Variants in MFSD2B observed in about 807,000 individuals in gnomAD.
MFSD2B encodes the protein sphingosine-1-phosphate transporter MFSD2B.
A neutral mutation model predicts 58.4 loss-of-function variants in MFSD2B; 56 were observed. That is an observed-to-expected ratio of 0.96 (90% CI 0.77 to 1.20). MFSD2B has a LOEUF of 1.20. MFSD2B is among the 50% of genes most tolerant of loss of function. The probability of loss-of-function intolerance (pLI) is 0.00; values close to 1 mark genes in which losing one functional copy is unlikely to be tolerated. For synonymous variants in MFSD2B, 287 were observed against 294.4 expected (o/e 0.97, Z 0.26); for missense variants, 645 against 667.6 (o/e 0.97, Z 0.37).
Position 24,023,008 on chromosome 2 carries a change from C to A in MFSD2B, c.1059+106C>A, listed in dbSNP as rs1253019977. ...GGGCCAGCAGGGGTGGATCTGTGTT[C>A]CCTTGAGTCTTTAGGGCCTAGCACA... On this transcript the variant is annotated intron_variant, in intron 10 of 13. Coordinates refer to ENST00000338315, the MANE Select transcript of MFSD2B (RefSeq NM_001346880.2). This position sits in a 1 kb window ranked among gnomAD's most constrained non-coding sequence, Gnocchi z 5.0. The A allele has an allele frequency of 7.4e-7, 1 of 1,357,790 alleles. No homozygotes were observed. Among genetic ancestry groups the A allele is most frequent in the Non-Finnish European group, 1.0e-6 (1 of 960,328 alleles). 84.1% of individuals were successfully genotyped at this position (1,357,790 alleles called of 1,614,324 possible). A position where few individuals can be genotyped will look rare whatever the true frequency, so the allele number is the denominator to read the frequency against.
At chr2:24,016,091 G>A (rs1345527436) in intron 2 of MFSD2B, 65 bp from the exon 3 acceptor site, 5 of 1,602,532 alleles carry the variant, frequency 3.1e-6, no homozygotes, top group Non-Finnish European at 4.3e-6. Context: ...ATGGCAAGCA[G>A]GCCTGGATGG....
At chr2:24,010,969 G>A (rs916936413) in intron 1 of MFSD2B, among the ~76,000 whole-genome samples, 4 of 152,176 alleles carry the variant, frequency 2.6e-5, no homozygotes, top group Admixed American at 1.3e-4. Context: ...CACTTCCCAG[G>A]GAAACTTAGA....
At position 24,024,091 on chromosome 2, in the gene MFSD2B, C is replaced by T. The variant is rs1372729310; in HGVS notation, c.1314-4C>T. On this transcript the variant is annotated splice_region_variant and splice_polypyrimidine_tract_variant and intron_variant, in intron 12 of 13. Coordinates refer to ENST00000338315, the MANE Select transcript of MFSD2B (RefSeq NM_001346880.2). The surrounding 1 kb of genome is among the most constrained non-coding windows in gnomAD (Gnocchi z 4.3). Reference sequence around the variant, plus strand: ...GCCCTAATGGCTGGCTGATGTTTCTCCAGGTTCTCGGGGTATAAGGCAGGG... The same window carrying T: ...GCCCTAATGGCTGGCTGATGTTTCTTCAGGTTCTCGGGGTATAAGGCAGGG... The T allele has an allele frequency of 2.5e-6, 4 of 1,613,252 alleles. No homozygotes were observed. In the South Asian group the frequency reaches 4.4e-5, roughly 18 times the overall value.
Position 24,017,876 on chromosome 2 carries a change from G to C in MFSD2B, c.681+288G>C, listed in dbSNP as rs1185129698. Among the ~76,000 whole-genome samples the C allele has an allele frequency of 6.6e-6, 1 of 152,178 alleles. No individual in the cohort carries two copies. The highest frequency in any genetic ancestry group is 2.4e-5 in the African/African-American group (1 of 41,448). ...AGCCCCAGAGGAGGGGCGAGGGTGG[G>C]GAAAGCCGCAGGACAGGCTAGGGGA... On this transcript the variant is annotated intron_variant, in intron 6 of 13. Transcript: ENST00000338315. The surrounding 1 kb of genome is among the most constrained non-coding windows in gnomAD (Gnocchi z 4.8).
At chr2:24,014,635 T>C (rs1709075885) in intron 2 of MFSD2B, among the ~76,000 whole-genome samples, 1 of 152,196 alleles carries the variant, frequency 6.6e-6, no homozygotes, top group Non-Finnish European at 1.5e-5. Flanking sequence ...TATAAAATGA[T>C]CCCATTTTAA....
At chr2:24,013,143 A>C (rs1709014424) in intron 1 of MFSD2B, 142 bp from the exon 2 acceptor site, 1 of 727,974 alleles carries the variant, frequency 1.4e-6, no homozygotes, top group Non-Finnish European at 2.0e-6. Flanking sequence ...TTAGGATGAC[A>C]TGGGGGCAAA....
chr2:24,017,259 C>G lies in MFSD2B; in HGVS notation c.472-27C>G, dbSNP rs745768486. ...CGCTGTCACCAGGCAAAGCTGGGGG[C>G]GGTTCTAAGCTCTGCCGACGCCCCA... On this transcript the variant is annotated intron_variant, in intron 4 of 13. Coordinates refer to ENST00000338315, the MANE Select transcript of MFSD2B (RefSeq NM_001346880.2). This position sits in a 1 kb window ranked among gnomAD's most constrained non-coding sequence, Gnocchi z 4.8. 6.4e-7 allele frequency: 1 copy of G among 1,567,436 alleles called. No individual in the cohort carries two copies. The highest frequency in any genetic ancestry group is 8.6e-7 in the Non-Finnish European group (1 of 1,156,782).
Position 24,021,660 on chromosome 2 carries a change from T to A in MFSD2B, c.694T>A (p.Cys232Ser). 1.9e-6 allele frequency: 3 copies of A among 1,613,090 alleles called. No homozygotes were observed. Reference sequence around the variant, plus strand: ...TCCTGTCCCACAGGCCCATCTCTACTGCATTGCGGCTGCCGTGGTTGTAGT... The same window carrying A: ...TCCTGTCCCACAGGCCCATCTCTACAGCATTGCGGCTGCCGTGGTTGTAGT... ...TVSPNAAHLY[C>S]IAAAVVVVTY... Residue 232 changes from cysteine to serine, a missense_variant, in exon 7 of 14, where the codon TGC becomes AGC. Coordinates refer to ENST00000338315, the MANE Select transcript of MFSD2B (RefSeq NM_001346880.2). The surrounding 1 kb of genome is among the most constrained non-coding windows in gnomAD (Gnocchi z 5.7).
rs1709212760 is a variant in MFSD2B at position 24,017,749 on chromosome 2, C to T, written c.681+161C>T. ...CCTGCTCCTCCAGTTGAGCAGATGG[C>T]CCCCAAATCTAACGTCCTCTGCTAA... On this transcript the variant is annotated intron_variant, in intron 6 of 13. Coordinates refer to ENST00000338315, the MANE Select transcript of MFSD2B (RefSeq NM_001346880.2). This position sits in a 1 kb window ranked among gnomAD's most constrained non-coding sequence, Gnocchi z 4.8. 1.3e-5 allele frequency among the ~76,000 whole-genome samples: 2 copies of T among 151,558 alleles called. No individual in the cohort carries two copies. Among genetic ancestry groups the T allele is most frequent in the Admixed American group, 1.3e-4 (2 of 15,236 alleles).
intron 4 of MFSD2B, 26 bp downstream of exon 4, chr2:24,016,994 G>C (rs758994778): frequency 1.2e-6 from 2 of 1,612,368 alleles, no homozygotes; most frequent in South Asian, 2.2e-5. Flanking sequence ...TCCTGGGCCT[G>C]TGCTCTGGCG....
rs750884129 is a variant in MFSD2B at position 24,016,877 on chromosome 2, CCTA to C, written c.383_385del (p.Tyr128del). The C allele has an allele frequency of 1.9e-6, 3 of 1,613,712 alleles. No homozygotes were observed. In the African/African-American group the frequency reaches 4.0e-5, roughly 22 times the overall value. On this transcript the variant is annotated inframe_deletion, in exon 4 of 14. Transcript: ENST00000338315. The stretch of plus-strand genomic sequence containing the variant: ...GGCTGCACCCCCTTCATCGCCCTGG[CCTA>C]CTTCTTCCTGTGGTTCCTGCCCCCC...
intron 2 of MFSD2B, among the ~76,000 whole-genome samples, chr2:24,015,280 A>G (rs1709098345): frequency 6.6e-6 from 1 of 151,840 alleles, no homozygotes; most frequent in Admixed American, 6.6e-5. Flanking sequence ...CACAAAAAAA[A>G]AAAAAATTTA....
At chr2:24,013,452 TG>T in intron 2 of MFSD2B, 42 bp downstream of exon 2, 1 of 1,555,368 alleles carries the variant, frequency 6.4e-7, no homozygotes, top group East Asian at 2.3e-5. Context: ...GCATCTTCCT[TG>T]GGGTCTGGTC....
chr2:24,019,366 A>AATG (rs1369382479), intron 6 of MFSD2B, among the ~76,000 whole-genome samples: 6 of 152,046 alleles, frequency 3.9e-5, no homozygotes, highest in African/African-American at 1.4e-4. Flanking sequence ...TGCCCCCACC[A>AATG]ATGTCTCAGC....
chr2:24,011,526 G>A (rs1040568990), intron 1 of MFSD2B, among the ~76,000 whole-genome samples: 3 of 152,150 alleles, frequency 2.0e-5, no homozygotes, highest in South Asian at 2.1e-4. Context: ...CCCTTCACAA[G>A]AGCCTGCTGG....
At position 24,017,583 on chromosome 2, in the gene MFSD2B, A is replaced by G. The variant is rs184412391; in HGVS notation, c.676A>G (p.Asn226Asp). The change falls in exon 6 of 14, where the codon AAT becomes GAT. Residue 226 changes from asparagine to aspartate, a missense_variant. Coordinates refer to ENST00000338315, the MANE Select transcript of MFSD2B (RefSeq NM_001346880.2). This position sits in a 1 kb window ranked among gnomAD's most constrained non-coding sequence, Gnocchi z 4.8. Reference sequence around the variant, plus strand: ...CCCGGGGCCAGTCACTGTCTCCCCGAATGCAGTAAGTGCACTGGGTGGCAA... The same window carrying G: ...CCCGGGGCCAGTCACTGTCTCCCCGGATGCAGTAAGTGCACTGGGTGGCAA... The part of the protein sequence containing the change: ...ATPGPVTVSP[N>D]AAHLYCIAAA... The G allele has an allele frequency of 3.2e-6, 5 of 1,554,202 alleles. No homozygotes were observed. In the Admixed American group the frequency reaches 7.7e-5, roughly 24 times the overall value.
intron 1 of MFSD2B, 87 bp downstream of exon 1, chr2:24,010,279 C>A: frequency 1.8e-6 from 2 of 1,111,520 alleles, no homozygotes; most frequent in Non-Finnish European, 2.3e-6. Context: ...CAGCTGGGGG[C>A]AGCCCGGAGG....
At position 24,012,170 on chromosome 2, in the gene MFSD2B, ACACACACACAAAAACAGAC is replaced by A. The variant is rs1558318790; in HGVS notation, c.97-1114_97-1096del. Among the ~76,000 whole-genome samples, 3 of 139,782 alleles carry A rather than the reference ACACACACACAAAAACAGAC, an allele frequency of 2.1e-5. No individual in the cohort carries two copies. Among genetic ancestry groups the A allele is most frequent in the Non-Finnish European group, 3.2e-5 (2 of 63,034 alleles). The allele number at this position is 139,782 out of a possible 152,430, so 91.7% of individuals were successfully genotyped here. ...AAACAAAACACACACACACACACAC[ACACACACACAAAAACAGAC>A]AAAAAAACCCTGCAATAGCAAGCCA... is the stretch of plus-strand genomic sequence containing the variant. On this transcript the variant is annotated intron_variant, in intron 1 of 13. Coordinates refer to ENST00000338315, the MANE Select transcript of MFSD2B (RefSeq NM_001346880.2). The surrounding 1 kb of genome is among the most constrained non-coding windows in gnomAD (Gnocchi z 4.5).
At chr2:24,016,391 G>A (rs1709146523) in intron 3 of MFSD2B, 111 bp downstream of exon 3, 2 of 1,222,966 alleles carry the variant, frequency 1.6e-6, no homozygotes, top group Admixed American at 5.0e-5. Context: ...TAGGAGACAA[G>A]ACTGGATAAT....
Sources: allele counts gnomAD v4.1 joint callset (sites outside exome capture counted in the v4.1 genomes callset), GRCh38; gene constraint gnomAD v4.1.1; non-coding constraint Gnocchi (gnomAD v3.1); transcripts MANE v1.5; gene names NCBI Gene and HGNC (gene_info 2026-07-23, HGNC 2026-07-21).